Variants in UNC5C observed in about 807,000 individuals in gnomAD.
UNC5C encodes the protein netrin receptor UNC5C.
UNC5C carries 47 observed loss-of-function variants against 99.8 expected under a neutral mutation model. That is an observed-to-expected ratio of 0.47 (90% CI 0.37 to 0.60). The LOEUF (loss-of-function observed/expected upper bound fraction) is 0.60, where lower values mean the gene tolerates loss of function less well. Among genes scored for constraint, UNC5C ranks in the 20% least tolerant of loss-of-function variants. The pLI, the probability that UNC5C is intolerant of heterozygous loss-of-function variation, is 0.00. For synonymous variants in UNC5C, 487 were observed against 452.2 expected (o/e 1.08, Z -0.98); for missense variants, 1,062 against 1,165.9 (o/e 0.91, Z 1.30).
intron 1 of UNC5C, among the ~76,000 whole-genome samples, chr4:95,377,167 T>A (rs990423051): frequency 2.0e-5 from 3 of 152,140 alleles, no homozygotes; most frequent in Admixed American, 6.5e-5. Flanking sequence ...GAGGGCTTTA[T>A]TGGTGGGGGT....
At position 95,191,230 on chromosome 4, in the gene UNC5C, C is replaced by T. The variant is rs563571795; in HGVS notation, c.2137-6034G>A. 2.0e-5 allele frequency among the ~76,000 whole-genome samples: 3 copies of T among 152,190 alleles called. No individual in the cohort carries two copies. The South Asian group carries it at 6.2e-4, about 32-fold the overall frequency. On this transcript the variant is annotated intron_variant, in intron 12 of 15. Coordinates refer to ENST00000453304, the MANE Select transcript of UNC5C (RefSeq NM_003728.4). The stretch of plus-strand genomic sequence containing the variant: ...TATGTCCGGGTTAGATTTCATCTGC[C>T]TCATCTGCTTCTCTTGTTGTCTCTC...
intron 1 of UNC5C, among the ~76,000 whole-genome samples, chr4:95,398,752 GC>G (rs1403442970): frequency 2.0e-5 from 3 of 152,100 alleles, no homozygotes; most frequent in Non-Finnish European, 4.4e-5. Flanking sequence ...TTTAGTCTGT[GC>G]CTTCTCAGTG....
chr4:95,362,027 G>A (rs554023399), intron 1 of UNC5C, among the ~76,000 whole-genome samples: 7 of 151,850 alleles, frequency 4.6e-5, no homozygotes, highest in African/African-American at 1.5e-4. Context: ...AACAATTAAT[G>A]AAAGATAAGG....
At chr4:95,379,774 C>T (rs910458018) in intron 1 of UNC5C, among the ~76,000 whole-genome samples, 1 of 152,142 alleles carries the variant, frequency 6.6e-6, no homozygotes, top group African/African-American at 2.4e-5. Flanking sequence ...AGAATAAGAA[C>T]GGCTTGGTAC....
intron 1 of UNC5C, among the ~76,000 whole-genome samples, chr4:95,386,793 C>T (rs1745223696): frequency 6.6e-6 from 1 of 152,156 alleles, no homozygotes; most frequent in Admixed American, 6.5e-5. Context: ...CCAAAAAAAG[C>T]CCGAGTCTTG....
Position 95,219,030 on chromosome 4 carries a change from T to C in UNC5C, c.1584A>G (p.Pro528=), listed in dbSNP as rs769112088. The C allele has an allele frequency of 3.1e-6, 5 of 1,614,154 alleles. No individual in the cohort carries two copies. Among genetic ancestry groups the C allele is most frequent in the East Asian group, 4.5e-5 (2 of 44,876 alleles). The change falls in exon 9 of 16, where the codon CCA becomes CCG. Residue 528 remains proline (P), a synonymous_variant. Transcript: ENST00000453304. The stretch of plus-strand genomic sequence containing the variant: ...TGAAGCTGCCAAATGCGGTACAGGA[T>C]GGATCAGTCTGCCTTGCTAGACTCT... ...KNQSLARQTD[P]SCTAFGSFNS...
At chr4:95,536,653 T>A (rs10030217) in intron 1 of UNC5C, among the ~76,000 whole-genome samples, 97,127 of 152,024 alleles carry the variant, frequency 0.64, 31,243 homozygotes, top group Middle Eastern at 0.79. Flanking sequence ...TAGAATTAAG[T>A]TTTATGCAAT....
At chr4:95,244,658 C>A (rs1179110152) in intron 6 of UNC5C, among the ~76,000 whole-genome samples, 1 of 152,128 alleles carries the variant, frequency 6.6e-6, no homozygotes, top group Admixed American at 6.5e-5. Context: ...AAATGTGTGG[C>A]TTCCAGTGCC....
chr4:95,442,833 C>CAT (rs1364848664), intron 1 of UNC5C, among the ~76,000 whole-genome samples: 1 of 151,950 alleles, frequency 6.6e-6, no homozygotes, highest in Non-Finnish European at 1.5e-5. Flanking sequence ...CACACACACA[C>CAT]ACATACACAC....
chr4:95,251,152 A>G (rs1739707654), intron 4 of UNC5C, among the ~76,000 whole-genome samples: 1 of 152,376 alleles, frequency 6.6e-6, no homozygotes, highest in Non-Finnish European at 1.5e-5. Flanking sequence ...GGCATTTTAG[A>G]CATCACATAG....
chr4:95,366,032 T>C (rs1321701145), intron 1 of UNC5C, among the ~76,000 whole-genome samples: 2 of 152,054 alleles, frequency 1.3e-5, no homozygotes, highest in Non-Finnish European at 2.9e-5. Context: ...TGGAATATCC[T>C]ACAGCAAAGT....
intron 1 of UNC5C, among the ~76,000 whole-genome samples, chr4:95,525,912 C>T (rs1722488101): frequency 6.6e-6 from 1 of 152,082 alleles, no homozygotes; most frequent in Admixed American, 6.6e-5. Flanking sequence ...TTTGAAAAAT[C>T]ATCTGTCATA....
At chr4:95,533,370 A>G (rs1722701453) in intron 1 of UNC5C, among the ~76,000 whole-genome samples, 1 of 151,912 alleles carries the variant, frequency 6.6e-6, no homozygotes, top group Non-Finnish European at 1.5e-5. Flanking sequence ...CACTCTAGCC[A>G]GGGCAATAAG....
chr4:95,390,277 G>T (rs1745319673), intron 1 of UNC5C, among the ~76,000 whole-genome samples: 1 of 151,868 alleles, frequency 6.6e-6, no homozygotes, highest in Admixed American at 6.6e-5. Flanking sequence ...GACAACTTTT[G>T]CAAGGGATGT....
intron 1 of UNC5C, among the ~76,000 whole-genome samples, chr4:95,407,911 A>T (rs1314342952): frequency 6.6e-6 from 1 of 152,218 alleles, no homozygotes; most frequent in South Asian, 2.1e-4. Flanking sequence ...TGTTAAGAAT[A>T]ATAGAATAAA....
chr4:95,363,719 T>C (rs921891738), intron 1 of UNC5C, among the ~76,000 whole-genome samples: 6 of 150,966 alleles, frequency 4.0e-5, no homozygotes, highest in Non-Finnish European at 8.9e-5. Context: ...CCTCTGAGAG[T>C]TTCATGCAGA....
At chr4:95,416,092 C>T (rs143184676) in intron 1 of UNC5C, among the ~76,000 whole-genome samples, 138 of 152,072 alleles carry the variant, frequency 9.1e-4, no homozygotes, top group African/African-American at 2.2e-3. Context: ...TGTGAATGTT[C>T]GGAGGGCAGA....
intron 1 of UNC5C, among the ~76,000 whole-genome samples, chr4:95,408,890 C>T (rs111716230): frequency 6.6e-6 from 1 of 152,036 alleles, no homozygotes; most frequent in Non-Finnish European, 1.5e-5. Context: ...GAGAATAATA[C>T]CCCCTTTCAC....
chr4:95,438,213 G>T (rs1391951807), intron 1 of UNC5C, among the ~76,000 whole-genome samples: 1 of 152,004 alleles, frequency 6.6e-6, no homozygotes, highest in Non-Finnish European at 1.5e-5. Context: ...CAGAAAGATG[G>T]TGAGGACCCT....
Sources: gnomAD v4.1 joint callset for allele counts (sites outside exome capture counted in the v4.1 genomes callset) on GRCh38, gnomAD v4.1.1 for gene constraint, MANE v1.5 for transcripts, NCBI Gene and HGNC (gene_info 2026-07-23, HGNC 2026-07-21) for gene names.